The following CTNND1 variants were observed in gnomAD, a reference collection of about 807,000 sequenced individuals.
The protein encoded by CTNND1 is catenin delta 1.
CTNND1 carries 16 observed loss-of-function variants against 112.1 expected under a neutral mutation model. The ratio of observed to expected loss-of-function variants is 0.14; its 90% CI spans 0.10 to 0.22. The LOEUF (loss-of-function observed/expected upper bound fraction) is 0.22, where lower values mean the gene tolerates loss of function less well. Among genes scored for constraint, CTNND1 ranks in the 10% least tolerant of loss-of-function variants. The pLI is 1.00. For synonymous variants in CTNND1, 420 were observed against 446.5 expected (o/e 0.94, Z 0.75); for missense variants, 1,008 against 1,257.0 (o/e 0.80, Z 3.00).
At chr11:57,793,495 T>G (rs967152160) in intron 3 of CTNND1, among the ~76,000 whole-genome samples, 4 of 152,230 alleles carry the variant, frequency 2.6e-5, no homozygotes, top group African/African-American at 9.6e-5. Context: ...GCCATCTTGC[T>G]TCTTTCTTTA....
At chr11:57,809,550 A>G in intron 15 of CTNND1, 84 bp downstream of exon 15, 3 of 1,208,046 alleles carry the variant, frequency 2.5e-6, no homozygotes, top group Non-Finnish European at 3.5e-6. Flanking sequence ...AAGAAAGGAA[A>G]TTTCCCCTTA....
At position 57,801,908 on chromosome 11, in the gene CTNND1, C is replaced by T. The variant is rs773141675; in HGVS notation, c.1132C>T (p.Arg378Cys). 5.6e-6 allele frequency: 9 copies of T among 1,613,862 alleles called. No homozygotes were observed. The highest frequency in any genetic ancestry group is 4.5e-5 in the East Asian group (2 of 44,896). ...LPEVIAMLGF[R>C]LDAVKSNAAA... is the part of the protein sequence containing the mutation. ...AGAGGTGATCGCCATGCTTGGATTC[C>T]GCTTGGATGCTGTCAAGTCCAATGC... The change falls in exon 7 of 21, where the codon CGC becomes TGC. Residue 378 changes from arginine to cysteine, a missense_variant. This residue lies in a region of CTNND1 where 216 missense variants were observed against 342.8 expected (regional missense o/e 0.63). Transcript: ENST00000399050.
intron 6 of CTNND1, among the ~76,000 whole-genome samples, chr11:57,800,632 C>T (rs958477728): frequency 2.0e-5 from 3 of 152,182 alleles, no homozygotes; most frequent in African/African-American, 7.2e-5. Context: ...CCATCTGAAT[C>T]ACTGTTGCAT....
chr11:57,762,413 C>T (rs1222550572), intron 1 of CTNND1, among the ~76,000 whole-genome samples: 2 of 152,072 alleles, frequency 1.3e-5, no homozygotes, highest in Admixed American at 6.6e-5. Context: ...GTTTTCAGAG[C>T]CCAAATCAAA....
chr11:57,765,195 G>C (rs920371348), intron 1 of CTNND1, among the ~76,000 whole-genome samples: 1 of 152,104 alleles, frequency 6.6e-6, no homozygotes, highest in Middle Eastern at 3.2e-3. Context: ...AGATATTCTT[G>C]TCTTTCCCTC....
chr11:57,781,834 T>G (rs1382287095), intron 1 of CTNND1, among the ~76,000 whole-genome samples: 3 of 152,142 alleles, frequency 2.0e-5, no homozygotes, highest in African/African-American at 7.2e-5. Context: ...GTTTTTTTCT[T>G]TCTGTACCCT....
At chr11:57,799,109 G>GT (rs1201609941) in intron 6 of CTNND1, among the ~76,000 whole-genome samples, 1 of 152,196 alleles carries the variant, frequency 6.6e-6, no homozygotes, top group African/African-American at 2.4e-5. Context: ...GGGCCCAGGG[G>GT]TAGAGGCCCC....
chr11:57,783,318 A>G (rs1332935059), intron 1 of CTNND1, among the ~76,000 whole-genome samples: 1 of 151,764 alleles, frequency 6.6e-6, no homozygotes, highest in East Asian at 1.9e-4. Context: ...GTGGAACATC[A>G]AGTGGAGGTA....
intron 1 of CTNND1, among the ~76,000 whole-genome samples, chr11:57,775,866 T>C (rs1954109511): frequency 6.6e-6 from 1 of 152,206 alleles, no homozygotes; most frequent in African/African-American, 2.4e-5. Flanking sequence ...TGTTTCCTTG[T>C]TCTTATATGG....
chr11:57,809,211 T>C, intron 14 of CTNND1, 63 bp from the exon 15 acceptor site: 1 of 1,195,580 alleles, frequency 8.4e-7, no homozygotes, highest in South Asian at 1.4e-5. Context: ...CAGTTAAGTA[T>C]AATGTAAGGC....
intron 15 of CTNND1, 149 bp from the exon 16 acceptor site, chr11:57,809,960 C>T (rs1276379838): frequency 1.9e-5 from 9 of 472,768 alleles, no homozygotes; most frequent in Non-Finnish European, 2.9e-5. Context: ...ATCCACCTGC[C>T]TCAGCCTCCC....
At position 57,806,741 on chromosome 11, in the gene CTNND1, T is replaced by C. The variant is rs2062719201; in HGVS notation, c.1895-174T>C. 7 of 642,348 alleles carry C rather than the reference T, an allele frequency of 1.1e-5. No homozygotes were observed. The East Asian group carries it at 1.9e-4, about 17-fold the overall frequency. The allele number at this position is 642,348 out of a possible 1,614,324, so 39.8% of individuals were successfully genotyped here. ...TTACCTATCTGCTGCCTGTTTTCTA[T>C]CCTTGTTTCTGAATAGTCCCCTGCT... On this transcript the variant is annotated intron_variant, in intron 11 of 20. Transcript: ENST00000399050.
chr11:57,795,557 C>T lies in CTNND1; in HGVS notation c.268-20C>T. On this transcript the variant is annotated intron_variant, in intron 4 of 20. Coordinates refer to ENST00000399050, the MANE Select transcript of CTNND1 (RefSeq NM_001085458.2). ...ATAGCACTTAATAGTAGTTTCTTCT[C>T]TTTTCTCTTTTGCATATAGGATCAC... 6.3e-7 allele frequency: 1 copy of T among 1,599,848 alleles called. No homozygotes were observed. The highest frequency in any genetic ancestry group is 8.5e-7 in the Non-Finnish European group (1 of 1,174,482).
rs1157141511 is a variant in CTNND1 at position 57,799,979 on chromosome 11, GTTTTTTT to G, written c.957-1734_957-1728del. ...TCTAAGCTATTCATTTTGTTTCCGT[GTTTTTTT>G]TTTTTTTTTTTTTTTTTTTGAGATG... On this transcript the variant is annotated intron_variant, in intron 6 of 20. Transcript: ENST00000399050. 1.5e-4 allele frequency among the ~76,000 whole-genome samples: 9 copies of G among 58,860 alleles called. No individual in the cohort carries two copies. In the South Asian group the frequency reaches 5.8e-3, roughly 38 times the overall value. 38.6% of individuals were successfully genotyped at this position (58,860 alleles called of 152,430 possible).
At chr11:57,802,581 T>C (rs2062121873) in intron 7 of CTNND1, among the ~76,000 whole-genome samples, 3 of 152,266 alleles carry the variant, frequency 2.0e-5, no homozygotes, top group Admixed American at 6.5e-5. Flanking sequence ...TAGGAAGTTG[T>C]TTCCCAAACA....
intron 1 of CTNND1, among the ~76,000 whole-genome samples, chr11:57,786,447 C>T (rs1314301180): frequency 6.6e-6 from 1 of 152,040 alleles, no homozygotes; most frequent in East Asian, 1.9e-4. Flanking sequence ...GCAGGAGAAT[C>T]GCCTGAACCC....
At chr11:57,778,811 T>A (rs1341605881) in intron 1 of CTNND1, among the ~76,000 whole-genome samples, 2 of 152,190 alleles carry the variant, frequency 1.3e-5, no homozygotes, top group African/African-American at 4.8e-5. Flanking sequence ...GATGTCTTTG[T>A]GGTTCTCCTG....
intron 6 of CTNND1, among the ~76,000 whole-genome samples, chr11:57,800,683 G>A (rs2061922098): frequency 6.6e-6 from 1 of 152,188 alleles, no homozygotes; most frequent in South Asian, 2.1e-4. Flanking sequence ...TCTGCTCAGG[G>A]CAACCTTGAG....
intron 18 of CTNND1, among the ~76,000 whole-genome samples, chr11:57,814,700 T>C (rs999993650): frequency 1.3e-5 from 2 of 152,108 alleles, no homozygotes; most frequent in Non-Finnish European, 2.9e-5. Context: ...CCAACTATTC[T>C]GCTTGCTATT....
Sources: gnomAD v4.1 joint callset for allele counts (sites outside exome capture counted in the v4.1 genomes callset) on GRCh38, gnomAD v4.1.1 for gene constraint, gnomAD v4.1.1 regional missense constraint, MANE v1.5 for transcripts, NCBI Gene and HGNC (gene_info 2026-07-23, HGNC 2026-07-21) for gene names.